The following DCLK2 variants were observed in gnomAD, a reference collection of about 807,000 sequenced individuals.
The protein encoded by DCLK2 is doublecortin like kinase 2.
Under a neutral mutation model 78.4 loss-of-function variants are expected in DCLK2, and 31 were observed. The observed-to-expected ratio is 0.40, with a 90% CI of 0.30 to 0.53. The LOEUF (loss-of-function observed/expected upper bound fraction) is 0.53. DCLK2 is among the 20% of genes least tolerant of loss of function. DCLK2 has a pLI of 0.61. For synonymous variants in DCLK2, 407 were observed against 374.9 expected (o/e 1.09, Z -0.99); for missense variants, 872 against 973.7 (o/e 0.90, Z 1.39).
intron 5 of DCLK2, among the ~76,000 whole-genome samples, chr4:150,204,407 A>G (rs1011150982): frequency 6.6e-5 from 10 of 152,220 alleles, no homozygotes; most frequent in Admixed American, 3.3e-4. Context: ...GGTGTTGATT[A>G]TGATGTCCTA....
At chr4:150,156,522 A>ATAAATAAT (rs1265919105) in intron 2 of DCLK2, among the ~76,000 whole-genome samples, 1 of 151,150 alleles carries the variant, frequency 6.6e-6, no homozygotes, top group East Asian at 2.0e-4. Flanking sequence ...AAATAAATAA[A>ATAAATAAT]TAGCCGGGCA....
Position 150,078,855 on chromosome 4 carries a change from G to C in DCLK2, c.-173G>C. The C allele has an allele frequency of 1.3e-6, 1 of 770,644 alleles. No individual in the cohort carries two copies. The highest frequency in any genetic ancestry group is 1.9e-6 in the Non-Finnish European group (1 of 526,360). The allele number at this position is 770,644 out of a possible 1,614,324, so 47.7% of individuals were successfully genotyped here. ...GCGGACACTTTTAGCTGAGGGCGCG[G>C]GCGGGTCGGCTCCTCCGCGGCTCCT... is the stretch of plus-strand genomic sequence containing the variant. On this transcript the variant is annotated 5_prime_UTR_variant, in exon 1 of 16. Transcript: ENST00000296550.
In DCLK2 at chr4:150,152,906, C is replaced by T. The variant is rs193208072; in HGVS notation, c.757-40232C>T. On this transcript the variant is annotated intron_variant, in intron 2 of 15. Coordinates refer to ENST00000296550, the MANE Select transcript of DCLK2 (RefSeq NM_001040260.4). ...GGCCAATATCATTCATTTGTGAGTA[C>T]GAACAGCTGAATAATGAGCTTGGCA... 2.0e-3 allele frequency among the ~76,000 whole-genome samples: 297 copies of T among 152,168 alleles called. 1 individual carries two copies. Among genetic ancestry groups the T allele is most frequent in the African/African-American group, 6.8e-3 (281 of 41,510 alleles).
intron 2 of DCLK2, among the ~76,000 whole-genome samples, chr4:150,168,018 G>A (rs182023710): frequency 8.5e-5 from 13 of 152,258 alleles, no homozygotes; most frequent in African/African-American, 3.1e-4. Context: ...GAGAAGGAGG[G>A]CGCAAGACCC....
At position 150,248,349 on chromosome 4, in the gene DCLK2, T is replaced by C; in HGVS notation, c.1920T>C (p.Cys640=). 1 of 1,613,972 alleles carries C rather than the reference T, an allele frequency of 6.2e-7. No individual in the cohort carries two copies. Among genetic ancestry groups the C allele is most frequent in the Non-Finnish European group, 8.5e-7 (1 of 1,180,002 alleles). Residue 640 remains cysteine, a synonymous_variant, in exon 14 of 16, where the codon TGT becomes TGC. Coordinates refer to ENST00000296550, the MANE Select transcript of DCLK2 (RefSeq NM_001040260.4). ...TTCAGGTAAATGTTGAAGCTCGGTG[T>C]ACCGCGGGACAAATCCTGAGTCACC... ...QMLQVNVEAR[C]TAGQILSHPW... is the part of the protein sequence containing the mutation.
chr4:150,225,633 A>G (rs1314651760), intron 8 of DCLK2, among the ~76,000 whole-genome samples: 1 of 152,270 alleles, frequency 6.6e-6, no homozygotes, highest in Non-Finnish European at 1.5e-5. Flanking sequence ...AAGACTTAGT[A>G]CTAAAAAAAG....
intron 11 of DCLK2, 41 bp downstream of exon 11, chr4:150,239,916 T>G: frequency 6.2e-7 from 1 of 1,607,396 alleles, no homozygotes. Flanking sequence ...TTAACTTTGA[T>G]GAGAAAGGTC....
chr4:150,238,383 A>T (rs531236325), intron 10 of DCLK2, among the ~76,000 whole-genome samples: 6 of 152,278 alleles, frequency 3.9e-5, no homozygotes, highest in Non-Finnish European at 7.4e-5. Context: ...AAATTCTGAG[A>T]TTAGCGTCCT....
At chr4:150,122,550 C>T (rs1430867019) in intron 2 of DCLK2, among the ~76,000 whole-genome samples, 2 of 151,908 alleles carry the variant, frequency 1.3e-5, no homozygotes, top group Admixed American at 6.6e-5. Context: ...GGGAGTTGAA[C>T]GATAAGAACA....
chr4:150,206,351 T>C (rs980029600), intron 5 of DCLK2, among the ~76,000 whole-genome samples: 3 of 152,116 alleles, frequency 2.0e-5, no homozygotes, highest in Non-Finnish European at 4.4e-5. Flanking sequence ...CAGTAAATGC[T>C]CAAGGATTAC....
chr4:150,244,886 C>G (rs1372037162), intron 12 of DCLK2, among the ~76,000 whole-genome samples: 1 of 152,118 alleles, frequency 6.6e-6, no homozygotes, highest in Non-Finnish European at 1.5e-5. Context: ...GACTGCTGTG[C>G]ACACACTTCC....
Position 150,224,638 on chromosome 4 carries a change from T to C in DCLK2, c.1299+80T>C, listed in dbSNP as rs574315616. 2,774 of 1,220,980 alleles carry C rather than the reference T, an allele frequency of 2.3e-3. 8 individuals are homozygous for C. Among genetic ancestry groups the C allele is most frequent in the Non-Finnish European group, 3.1e-3 (2,672 of 863,724 alleles). 75.6% of individuals were successfully genotyped at this position (1,220,980 alleles called of 1,614,324 possible). On this transcript the variant is annotated intron_variant, in intron 8 of 15. Coordinates refer to ENST00000296550, the MANE Select transcript of DCLK2 (RefSeq NM_001040260.4). ...GTTTACTGTGATGAAGGAATTTAAGTGGGGACTTGACACAACTATCACAGC... is the reference window on the plus strand; with the variant it reads ...GTTTACTGTGATGAAGGAATTTAAGCGGGGACTTGACACAACTATCACAGC...
chr4:150,113,639 C>G (rs1183454432), intron 2 of DCLK2, among the ~76,000 whole-genome samples: 2 of 147,396 alleles, frequency 1.4e-5, no homozygotes, highest in Non-Finnish European at 3.0e-5. Flanking sequence ...AATCTTCTCT[C>G]TTTTATTGGT....
chr4:150,148,320 G>A (rs1380837506), intron 2 of DCLK2, among the ~76,000 whole-genome samples: 2 of 150,518 alleles, frequency 1.3e-5, no homozygotes, highest in Non-Finnish European at 2.9e-5. Flanking sequence ...AGCTGAGATG[G>A]TGTCATTGCA....
intron 2 of DCLK2, among the ~76,000 whole-genome samples, chr4:150,191,266 T>C (rs1489347779): frequency 6.6e-6 from 1 of 152,012 alleles, no homozygotes; most frequent in East Asian, 1.9e-4. Flanking sequence ...GAGCATTATC[T>C]TGCCATAAAA....
chr4:150,190,241 A>G lies in DCLK2; in HGVS notation c.757-2897A>G, dbSNP rs752057433. Among the ~76,000 whole-genome samples, 164 of 34,930 alleles carry G rather than the reference A, an allele frequency of 4.7e-3. 1 individual carries two copies. The highest frequency in any genetic ancestry group is 0.02 in the Middle Eastern group (2 of 102). 22.9% of individuals were successfully genotyped at this position (34,930 alleles called of 152,430 possible). On this transcript the variant is annotated intron_variant, in intron 2 of 15. Coordinates refer to ENST00000296550, the MANE Select transcript of DCLK2 (RefSeq NM_001040260.4). ...TAGATGGATAGATGGATAGTTAGAT[A>G]GATAGATAGATAGATAGATAGATAG... is the stretch of plus-strand genomic sequence containing the variant.
At position 150,256,408 on chromosome 4, in the gene DCLK2, G is replaced by A. The variant is rs1580819462; in HGVS notation, c.*161G>A. ...CTGGGAACCGGAGCCTGGCGTGCCGGAGCCTGGCCTGGTGCTCTGGGCTCT... is the reference window on the plus strand; with the variant it reads ...CTGGGAACCGGAGCCTGGCGTGCCGAAGCCTGGCCTGGTGCTCTGGGCTCT... On this transcript the variant is annotated 3_prime_UTR_variant, in exon 16 of 16. Coordinates refer to ENST00000296550, the MANE Select transcript of DCLK2 (RefSeq NM_001040260.4). 1 of 981,932 alleles carries A rather than the reference G, an allele frequency of 1.0e-6. No homozygotes were observed. The highest frequency in any genetic ancestry group is 3.0e-5 in the Admixed American group (1 of 33,274). 60.8% of individuals were successfully genotyped at this position (981,932 alleles called of 1,614,324 possible).
chr4:150,180,304 G>A (rs1737414929), intron 2 of DCLK2, among the ~76,000 whole-genome samples: 1 of 152,176 alleles, frequency 6.6e-6, no homozygotes, highest in Non-Finnish European at 1.5e-5. Flanking sequence ...TTTCCTGGGA[G>A]TTACGTGAAA....
intron 2 of DCLK2, among the ~76,000 whole-genome samples, chr4:150,157,524 TG>T (rs1560820060): frequency 8.9e-5 from 8 of 89,786 alleles, no homozygotes; most frequent in Non-Finnish European, 1.4e-4. Flanking sequence ...TTTGTTTGTT[TG>T]TTTTTGAGCT....
Sources: gnomAD v4.1 joint callset for allele counts (sites outside exome capture counted in the v4.1 genomes callset) on GRCh38, gnomAD v4.1.1 for gene constraint, MANE v1.5 for transcripts, NCBI Gene and HGNC (gene_info 2026-07-23, HGNC 2026-07-21) for gene names.